The following FRMD4A variants were observed in gnomAD, a reference collection of about 807,000 sequenced individuals.
FRMD4A encodes FERM domain-containing protein 4A.
A neutral mutation model predicts 129.1 loss-of-function variants in FRMD4A; 29 were observed. The ratio of observed to expected loss-of-function variants is 0.22; its 90% CI spans 0.17 to 0.31. FRMD4A has a LOEUF of 0.31. Ranked by LOEUF, FRMD4A falls within the 10% of genes least tolerant of loss-of-function variation. The pLI is 1.00. For missense variants in FRMD4A, 1,272 were observed against 1,375.8 expected (o/e 0.92, Z 1.19); for synonymous variants, 634 against 571.6 (o/e 1.11, Z -1.56).
chr10:14,077,738 G>T (rs1012386006), intron 2 of FRMD4A, among the ~76,000 whole-genome samples: 1 of 152,164 alleles, frequency 6.6e-6, no homozygotes, highest in African/African-American at 2.4e-5. Flanking sequence ...AAGGAAATCT[G>T]TTTGAATTGT....
intron 2 of FRMD4A, among the ~76,000 whole-genome samples, chr10:14,219,798 C>T (rs1040721643): frequency 1.3e-5 from 2 of 152,010 alleles, no homozygotes; most frequent in African/African-American, 2.4e-5. Context: ...CATAGTCTGC[C>T]GGCGGGGAGG....
chr10:14,329,930 G>A, intron 2 of FRMD4A, 128 bp downstream of exon 2: 1 of 839,774 alleles, frequency 1.2e-6, no homozygotes, highest in Non-Finnish European at 1.9e-6. Flanking sequence ...CATTTCCAAA[G>A]AGCCTGCGGG....
intron 2 of FRMD4A, among the ~76,000 whole-genome samples, chr10:13,895,870 A>G (rs2094752133): frequency 6.6e-6 from 1 of 152,212 alleles, no homozygotes; most frequent in South Asian, 2.1e-4. Flanking sequence ...ATATGAACAG[A>G]CACTTCTCAA....
At chr10:13,678,639 G>C (rs185186577) in intron 15 of FRMD4A, among the ~76,000 whole-genome samples, 110 of 152,368 alleles carry the variant, frequency 7.2e-4, no homozygotes, top group Non-Finnish European at 1.4e-3. Context: ...GAATTAGAAA[G>C]AGAAATCATT....
chr10:14,189,311 C>T (rs1166495404), intron 2 of FRMD4A, among the ~76,000 whole-genome samples: 7 of 152,164 alleles, frequency 4.6e-5, no homozygotes, highest in East Asian at 1.9e-4. Context: ...CGGTTGCTCA[C>T]GCCTGTAATC....
At chr10:13,957,794 T>C (rs1281168382) in intron 2 of FRMD4A, among the ~76,000 whole-genome samples, 1 of 152,180 alleles carries the variant, frequency 6.6e-6, no homozygotes, top group African/African-American at 2.4e-5. Flanking sequence ...TGTCCTTGTA[T>C]CTTTCTGGCC....
At chr10:14,185,620 A>G (rs972586574) in intron 2 of FRMD4A, among the ~76,000 whole-genome samples, 9 of 80,360 alleles carry the variant, frequency 1.1e-4, no homozygotes, top group Admixed American at 5.6e-4. Flanking sequence ...GAAAGGGGAT[A>G]TATACTTCAT....
At chr10:14,295,901 A>T (rs1845991939) in intron 2 of FRMD4A, among the ~76,000 whole-genome samples, 1 of 152,222 alleles carries the variant, frequency 6.6e-6, no homozygotes, top group Non-Finnish European at 1.5e-5. Flanking sequence ...GCAGCAGTTT[A>T]AACGGGGTCA....
chr10:14,089,151 G>A (rs902022846), intron 2 of FRMD4A, among the ~76,000 whole-genome samples: 2 of 152,126 alleles, frequency 1.3e-5, no homozygotes, highest in African/African-American at 4.8e-5. Flanking sequence ...GTTTCCCAGC[G>A]CTTGAAGTCC....
chr10:13,855,500 C>A (rs1416282426), intron 3 of FRMD4A, among the ~76,000 whole-genome samples: 1 of 152,186 alleles, frequency 6.6e-6, no homozygotes, highest in Non-Finnish European at 1.5e-5. Flanking sequence ...TTGCTCTAAA[C>A]CTGACTCTCC....
intron 2 of FRMD4A, among the ~76,000 whole-genome samples, chr10:14,121,678 T>A (rs753959600): frequency 6.6e-6 from 1 of 152,168 alleles, no homozygotes; most frequent in Non-Finnish European, 1.5e-5. Flanking sequence ...ACTTCTGATT[T>A]TACTGGTCGG....
chr10:14,185,366 C>G (rs539997177), intron 2 of FRMD4A, among the ~76,000 whole-genome samples: 28 of 152,300 alleles, frequency 1.8e-4, no homozygotes, highest in Admixed American at 7.2e-4. Flanking sequence ...ATCTGTGTGT[C>G]TAAACCCTAA....
intron 2 of FRMD4A, among the ~76,000 whole-genome samples, chr10:14,127,226 C>T (rs1356708010): frequency 1.3e-5 from 2 of 152,274 alleles, no homozygotes; most frequent in East Asian, 3.9e-4. Context: ...TGGAAGCTGG[C>T]CCGTGAGGAG....
chr10:13,683,429 A>C (rs1300640266), intron 15 of FRMD4A, among the ~76,000 whole-genome samples: 1 of 151,914 alleles, frequency 6.6e-6, no homozygotes, highest in East Asian at 1.9e-4. Flanking sequence ...TAAAAAAAAA[A>C]AAACAAAAAA....
At chr10:13,949,181 T>C (rs2095354511) in intron 2 of FRMD4A, among the ~76,000 whole-genome samples, 1 of 151,620 alleles carries the variant, frequency 6.6e-6, no homozygotes, top group Non-Finnish European at 1.5e-5. Flanking sequence ...CCTTTCACTT[T>C]CAAGATCGAT....
intron 6 of FRMD4A, 151 bp from the exon 7 acceptor site, chr10:13,762,831 A>G: frequency 1.6e-6 from 1 of 623,528 alleles, no homozygotes. Context: ...CTGCCTCTAC[A>G]GAAAATTTAA....
chr10:14,229,027 G>A (rs934364221), intron 2 of FRMD4A, among the ~76,000 whole-genome samples: 1 of 151,986 alleles, frequency 6.6e-6, no homozygotes, highest in Non-Finnish European at 1.5e-5. Flanking sequence ...CTGTTCATGT[G>A]GACTTTTCTT....
At chr10:14,223,989 G>A (rs1018757617) in intron 2 of FRMD4A, among the ~76,000 whole-genome samples, 25 of 152,042 alleles carry the variant, frequency 1.6e-4, no homozygotes, top group Non-Finnish European at 1.8e-4. Flanking sequence ...CATCTGCATC[G>A]GGAGTTTGCC....
At chr10:13,793,418 C>T (rs2093046923) in intron 5 of FRMD4A, among the ~76,000 whole-genome samples, 1 of 152,158 alleles carries the variant, frequency 6.6e-6, no homozygotes, top group Admixed American at 6.5e-5. Context: ...ATGATCCACC[C>T]ACCTTGCCCT....
Sources: allele counts gnomAD v4.1 joint callset (sites outside exome capture counted in the v4.1 genomes callset), GRCh38; gene constraint gnomAD v4.1.1; transcripts MANE v1.5; gene names NCBI Gene and HGNC (gene_info 2026-07-23, HGNC 2026-07-21).